ZNF600: variants seen among roughly 807,000 people sequenced by gnomAD.
ZNF600 encodes zinc finger protein 600.
In ZNF600, 4 loss-of-function variants were observed where a neutral mutation model predicts 7.3. The ratio of observed to expected loss-of-function variants is 0.55; its 90% CI spans 0.27 to 1.25. The LOEUF (loss-of-function observed/expected upper bound fraction) is 1.25, where lower values mean the gene tolerates loss of function less well. Ranked by LOEUF, ZNF600 falls within the 50% of genes most tolerant of loss-of-function variation. ZNF600 has a pLI of 0.12. For synonymous variants in ZNF600, 290 were observed against 308.9 expected (o/e 0.94, Z 0.64); for missense variants, 911 against 922.1 (o/e 0.99, Z 0.16).
At chr19:52,809,930 C>T in the ZNF600 span, 7 of 862,098 alleles carry the variant, frequency 8.1e-6, no homozygotes, top group Admixed American at 2.0e-5. Context: ...GTGGGGAGGC[C>T]GGGGAGGTTG....
intron 2 of ZNF600, among the ~76,000 whole-genome samples, chr19:52,776,292 C>T (rs929221010): frequency 1.3e-5 from 2 of 151,898 alleles, no homozygotes; most frequent in Admixed American, 6.6e-5. Flanking sequence ...TTAAACTAAA[C>T]TGACATGGGT....
At chr19:52,813,712 G>A in the ZNF600 span, among the ~76,000 whole-genome samples, 1 of 139,176 alleles carries the variant, frequency 7.2e-6, no homozygotes, top group Admixed American at 7.5e-5. Flanking sequence ...GAGTGTCTTT[G>A]TTTACAGGTT....
the ZNF600 span, among the ~76,000 whole-genome samples, chr19:52,815,776 G>A: frequency 6.8e-6 from 1 of 146,266 alleles, no homozygotes; most frequent in Non-Finnish European, 1.5e-5. Flanking sequence ...AGTGAGCCGA[G>A]ATTGCACCAC....
chr19:52,784,445 T>C (rs1171421352), intron 1 of ZNF600, among the ~76,000 whole-genome samples: 1 of 152,096 alleles, frequency 6.6e-6, no homozygotes. Flanking sequence ...TATTATGTAA[T>C]AAGAGAAAGT....
the ZNF600 span, chr19:52,814,138 A>G: frequency 5.4e-5 from 8 of 146,898 alleles, 3 homozygotes; most frequent in Admixed American, 5.5e-4. Context: ...CAGAACTGAC[A>G]GTAACGGCTC....
At chr19:52,825,092 T>C in the ZNF600 span, among the ~76,000 whole-genome samples, 1 of 151,874 alleles carries the variant, frequency 6.6e-6, no homozygotes, top group East Asian at 1.9e-4. Context: ...CACCTGGGGG[T>C]AGGGATGGAA....
At chr19:52,823,665 G>A in the ZNF600 span, among the ~76,000 whole-genome samples, 3 of 152,136 alleles carry the variant, frequency 2.0e-5, no homozygotes, top group Non-Finnish European at 4.4e-5. Flanking sequence ...TGAGATATAG[G>A]TACTATCGCC....
chr19:52,799,408 C>A, the ZNF600 span: 123 of 656,396 alleles, frequency 1.9e-4, no homozygotes, highest in African/African-American at 2.1e-3. Context: ...GATTTGCAAC[C>A]GAAAACTTTG....
chr19:52,817,265 G>A, the ZNF600 span, among the ~76,000 whole-genome samples: 1 of 151,726 alleles, frequency 6.6e-6, no homozygotes, highest in African/African-American at 2.4e-5. Flanking sequence ...CCAGCTACTC[G>A]GGAGGCTGAG....
the ZNF600 span, among the ~76,000 whole-genome samples, chr19:52,793,805 CACACACACACACA>C: frequency 6.4e-5 from 7 of 108,806 alleles, no homozygotes; most frequent in Non-Finnish European, 1.3e-4. Context: ...CACACACACA[CACACACACACACA>C]AAAGTGATGT....
chr19:52,787,275 G>A (rs2062772753), upstream of ZNF600, among the ~76,000 whole-genome samples: 1 of 152,170 alleles, frequency 6.6e-6, no homozygotes, highest in Non-Finnish European at 1.5e-5. Context: ...GGAAGCCTGA[G>A]GTCCCAGCTA....
chr19:52,790,450 T>C (rs1370387302), upstream of ZNF600, among the ~76,000 whole-genome samples: 1 of 152,066 alleles, frequency 6.6e-6, no homozygotes, highest in East Asian at 1.9e-4. Flanking sequence ...TGAGTTGAGA[T>C]CGCATCACTG....
chr19:52,831,808 T>A, the ZNF600 span, among the ~76,000 whole-genome samples: 19 of 151,886 alleles, frequency 1.3e-4, 1 homozygote, highest in African/African-American at 4.6e-4. Flanking sequence ...CCATCCTAAA[T>A]TTTGTATTTT....
At chr19:52,788,807 A>C (rs2062784685), upstream of ZNF600, among the ~76,000 whole-genome samples, 1 of 152,190 alleles carries the variant, frequency 6.6e-6, no homozygotes, top group African/African-American at 2.4e-5. Context: ...AATCACCTGC[A>C]CCATTGTAGG....
upstream of ZNF600, among the ~76,000 whole-genome samples, chr19:52,787,573 A>G (rs192646866): frequency 1.9e-4 from 28 of 150,300 alleles, no homozygotes; most frequent in East Asian, 5.2e-3. Flanking sequence ...CCAAACAAAA[A>G]CAAGACCGGG....
exon 4 of ZNF600, chr19:52,766,174 A>G (rs1272096847): frequency 1.2e-6 from 2 of 1,614,008 alleles, no homozygotes; most frequent in Non-Finnish European, 1.7e-6. Context: ...CACTCATTAC[A>G]CTTGTAAGGT....
upstream of ZNF600, among the ~76,000 whole-genome samples, chr19:52,791,347 G>A (rs913696151): frequency 6.6e-6 from 1 of 152,254 alleles, no homozygotes; most frequent in Non-Finnish European, 1.5e-5. Context: ...GAATCTCAGA[G>A]CAGCTGAGAG....
intron 1 of ZNF600, among the ~76,000 whole-genome samples, chr19:52,780,297 C>A (rs10424153): frequency 0.1 from 15,286 of 152,186 alleles, 1,011 homozygotes; most frequent in South Asian, 0.19. Flanking sequence ...CAAATGAGGG[C>A]TGTGGGAGAT....
intron 2 of ZNF600, 108 bp downstream of exon 4, chr19:52,778,718 G>A: frequency 6.9e-7 from 1 of 1,444,124 alleles, no homozygotes; most frequent in Non-Finnish European, 9.2e-7. Context: ...GAGTGTGAGT[G>A]AACGTGTCAG....
Sources: gnomAD v4.1 joint callset for allele counts (sites outside exome capture counted in the v4.1 genomes callset) on GRCh38, gnomAD v4.1.1 for gene constraint, MANE v1.5 for transcripts, NCBI Gene and HGNC (gene_info 2026-07-23, HGNC 2026-07-21) for gene names.